Variants in RGS12 observed in about 807,000 individuals in gnomAD.
RGS12 encodes regulator of G protein signaling 12.
In RGS12, 66 loss-of-function variants were observed where a neutral mutation model predicts 120.1. The ratio of observed to expected loss-of-function variants is 0.55; its 90% CI spans 0.45 to 0.67. The LOEUF (loss-of-function observed/expected upper bound fraction) is 0.67, where lower values mean the gene tolerates loss of function less well. Among genes scored for constraint, RGS12 ranks in the 30% least tolerant of loss-of-function variants. RGS12 has a pLI of 0.00. For synonymous variants in RGS12, 827 were observed against 804.7 expected, an observed-to-expected ratio of 1.03 and a Z score of -0.47; for missense variants, 1,859 against 1,957.7, an observed-to-expected ratio of 0.95 and a Z score of 0.95.
intron 3 of RGS12, among the ~76,000 whole-genome samples, chr4:3,349,323 A>G: frequency 6.6e-6 from 1 of 152,136 alleles, no homozygotes; most frequent in East Asian, 1.9e-4. Flanking sequence ...CTCTTTCTTA[A>G]AACAACAGGC....
chr4:3,393,782 T>C (rs1226160132), intron 4 of RGS12, among the ~76,000 whole-genome samples: 1 of 152,202 alleles, frequency 6.6e-6, no homozygotes, highest in Non-Finnish European at 1.5e-5. Flanking sequence ...TGTGATATAA[T>C]TTTTTTCACC....
At chr4:3,325,040 T>C (rs1372407560) in intron 2 of RGS12, among the ~76,000 whole-genome samples, 1 of 152,156 alleles carries the variant, frequency 6.6e-6, no homozygotes, top group Non-Finnish European at 1.5e-5. Flanking sequence ...GGTCAAAATA[T>C]TTTAAACTAG....
Position 3,317,952 on chromosome 4 carries a change from G to T in RGS12, c.1782G>T (p.Pro594=), listed in dbSNP as rs751083722. The T allele has an allele frequency of 1.3e-5, 21 of 1,614,054 alleles. No individual in the cohort carries two copies. Among genetic ancestry groups the T allele is most frequent in the Non-Finnish European group, 8.5e-7 (1 of 1,180,026 alleles). The change falls in exon 2 of 18, where the codon CCG becomes CCT. Residue 594 remains proline (P), a synonymous_variant. Coordinates refer to ENST00000336727, the MANE Select transcript of RGS12 (RefSeq NM_001394154.1). ...YRVEGSFAQP[P]LNAPKREWSR... ...TGGAGGGCAGCTTCGCGCAGCCCCC[G>T]CTGAATGCCCCGAAGAGGGAGTGGT...
At chr4:3,422,281 C>A in intron 10 of RGS12, 95 bp from the exon 11 acceptor site, 1 of 1,279,438 alleles carries the variant, frequency 7.8e-7, no homozygotes. Flanking sequence ...GCCTCCCCAG[C>A]ACGTGCGGCC....
At chr4:3,435,197 C>T (rs974494550) in intron 17 of RGS12, among the ~76,000 whole-genome samples, 1 of 152,124 alleles carries the variant, frequency 6.6e-6, no homozygotes, top group African/African-American at 2.4e-5. Flanking sequence ...GCCAGATGTG[C>T]GATGTTTGCC....
At chr4:3,320,198 T>C (rs566222321) in intron 2 of RGS12, among the ~76,000 whole-genome samples, 19 of 152,232 alleles carry the variant, frequency 1.2e-4, no homozygotes, top group African/African-American at 4.6e-4. Context: ...GCAGTGGTGC[T>C]TATGGTCCTC....
chr4:3,378,963 A>G (rs1339883919), intron 3 of RGS12, among the ~76,000 whole-genome samples: 1 of 152,058 alleles, frequency 6.6e-6, no homozygotes, highest in Non-Finnish European at 1.5e-5. Flanking sequence ...GTTAATCACA[A>G]TAGCTAAGAT....
intron 3 of RGS12, among the ~76,000 whole-genome samples, chr4:3,376,669 A>T (rs1717729967): frequency 2.6e-5 from 4 of 152,168 alleles, no homozygotes; most frequent in Non-Finnish European, 4.4e-5. Flanking sequence ...TCATTTTTCA[A>T]AAAATGCTGC....
intron 3 of RGS12, among the ~76,000 whole-genome samples, chr4:3,367,536 C>T (rs577790156): frequency 1.4e-4 from 21 of 152,370 alleles, no homozygotes; most frequent in African/African-American, 4.6e-4. Context: ...AGGTGGAGCA[C>T]GAAGCAGGGG....
chr4:3,367,384 T>C (rs1716422569), intron 3 of RGS12, among the ~76,000 whole-genome samples: 1 of 152,234 alleles, frequency 6.6e-6, no homozygotes, highest in South Asian at 2.1e-4. Flanking sequence ...CATGATCGGG[T>C]GCTCCCGCCT....
intron 2 of RGS12, among the ~76,000 whole-genome samples, chr4:3,320,427 C>G (rs2108685949): frequency 6.6e-6 from 1 of 152,302 alleles, no homozygotes; most frequent in Non-Finnish European, 1.5e-5. Flanking sequence ...GTGGCGGTCA[C>G]TGCTTTGCAG....
At chr4:3,340,288 G>A (rs1013351796) in intron 2 of RGS12, among the ~76,000 whole-genome samples, 3 of 152,256 alleles carry the variant, frequency 2.0e-5, no homozygotes, top group Non-Finnish European at 4.4e-5. Context: ...GGGCGCTGCT[G>A]CTGTCGTCCC....
chr4:3,368,958 G>A (rs189907971), intron 3 of RGS12, among the ~76,000 whole-genome samples: 10 of 152,266 alleles, frequency 6.6e-5, no homozygotes, highest in African/African-American at 2.4e-4. Context: ...GTGGGGCCAT[G>A]GTAGGTAGAG....
chr4:3,323,318 A>G (rs1025752509), intron 2 of RGS12, among the ~76,000 whole-genome samples: 2 of 152,270 alleles, frequency 1.3e-5, no homozygotes, highest in East Asian at 1.9e-4. Context: ...ACCCAAAGGT[A>G]CAATCACAGA....
At position 3,376,247 on chromosome 4, in the gene RGS12, A is replaced by AACACACACAC. The variant is rs55666879; in HGVS notation, c.1999-10132_1999-10123dup. Among the ~76,000 whole-genome samples, 1,039 of 143,550 alleles carry AACACACACAC rather than the reference A, an allele frequency of 7.2e-3. 9 individuals are homozygous for AACACACACAC. Among genetic ancestry groups the AACACACACAC allele is most frequent in the African/African-American group, 9.0e-3 (342 of 38,110 alleles). The allele number at this position is 143,550 out of a possible 152,430, so 94.2% of individuals were successfully genotyped here. A position where few individuals can be genotyped will look rare whatever the true frequency, so the allele number is the denominator to read the frequency against. On this transcript the variant is annotated intron_variant, in intron 3 of 17. Transcript: ENST00000336727. ...TATTCAAGGTTGAAAAGCTCCTTGGAACACACACACACACACACACACACA... is the reference window on the plus strand; with the variant it reads ...TATTCAAGGTTGAAAAGCTCCTTGGAACACACACACACACACACACACACACACACACACA...
chr4:3,346,713 GC>G (rs1266677829), intron 3 of RGS12, among the ~76,000 whole-genome samples: 1 of 152,184 alleles, frequency 6.6e-6, no homozygotes, highest in Non-Finnish European at 1.5e-5. Context: ...CAGAAACATG[GC>G]TGCTTCTCTC....
chr4:3,316,977 C>G lies in RGS12; in HGVS notation c.807C>G (p.His269Gln). 1 of 1,613,892 alleles carries G rather than the reference C, an allele frequency of 6.2e-7. No homozygotes were observed. Among genetic ancestry groups the G allele is most frequent in the Non-Finnish European group, 8.5e-7 (1 of 1,180,022 alleles). The change falls in exon 2 of 18, where the codon CAC becomes CAG. Residue 269 changes from histidine (H) to glutamine (Q), a missense_variant. Physicochemically the swap from His to Gln is conservative, Grantham distance 24 (BLOSUM62 0). This residue lies in a region of RGS12 where 967 missense variants were observed against 994.2 expected (regional missense o/e 0.97). Coordinates refer to ENST00000336727, the MANE Select transcript of RGS12 (RefSeq NM_001394154.1). ...MRRLRAEQKIHSLVTMKIMHD... is the reference protein window; with the variant it reads ...MRRLRAEQKIQSLVTMKIMHD... ...GCCTGCGGGCAGAGCAGAAAATCCA[C>G]TCGCTGGTGACCATGAAGATCATGC...
intron 2 of RGS12, among the ~76,000 whole-genome samples, chr4:3,327,128 A>G (rs1324994110): frequency 6.6e-6 from 1 of 152,248 alleles, no homozygotes; most frequent in Non-Finnish European, 1.5e-5. Flanking sequence ...TAGAGAACCC[A>G]GAATTAAAGC....
intron 2 of RGS12, among the ~76,000 whole-genome samples, chr4:3,318,872 G>A (rs1724989712): frequency 6.6e-6 from 1 of 152,196 alleles, no homozygotes; most frequent in South Asian, 2.1e-4. Context: ...TGTGTTTGGA[G>A]CCAGGGCCCT....
Sources: gnomAD v4.1 joint callset for allele counts (sites outside exome capture counted in the v4.1 genomes callset) on GRCh38, gnomAD v4.1.1 for gene constraint, gnomAD v4.1.1 regional missense constraint, MANE v1.5 for transcripts, NCBI Gene and HGNC (gene_info 2026-07-23, HGNC 2026-07-21) for gene names.